Variants in LDB2 observed in about 807,000 individuals in gnomAD.
The protein encoded by LDB2 is LIM domain binding 2.
Under a neutral mutation model 44.3 loss-of-function variants are expected in LDB2, and 12 were observed. That is an observed-to-expected ratio of 0.27 (90% CI 0.17 to 0.44). The LOEUF (loss-of-function observed/expected upper bound fraction) is 0.44, where lower values mean the gene tolerates loss of function less well. LDB2 is among the 20% of genes least tolerant of loss of function. The probability of loss-of-function intolerance (pLI) is 1.00; values close to 1 mark genes in which losing one functional copy is unlikely to be tolerated. For missense variants in LDB2, 344 were observed against 473.5 expected (o/e 0.73, Z 2.54); for synonymous variants, 164 against 174.8 (o/e 0.94, Z 0.49).
intron 1 of LDB2, among the ~76,000 whole-genome samples, chr4:16,890,379 C>T (rs183520017): frequency 3.7e-4 from 56 of 152,296 alleles, no homozygotes; most frequent in African/African-American, 1.2e-3. Flanking sequence ...TGTTAAGAGG[C>T]CGTCCTGATT....
At chr4:16,514,352 T>C (rs1307344504) in intron 5 of LDB2, among the ~76,000 whole-genome samples, 1 of 152,204 alleles carries the variant, frequency 6.6e-6, no homozygotes, top group Non-Finnish European at 1.5e-5. Flanking sequence ...CTCACATAAT[T>C]CTGACAAACA....
At chr4:16,892,093 A>G (rs1015112159) in intron 1 of LDB2, among the ~76,000 whole-genome samples, 10 of 152,190 alleles carry the variant, frequency 6.6e-5, no homozygotes, top group South Asian at 4.1e-4. Context: ...TGCCCAACAG[A>G]CACTGAAAAC....
intron 5 of LDB2, among the ~76,000 whole-genome samples, chr4:16,558,986 C>A (rs909747653): frequency 1.9e-4 from 29 of 151,940 alleles, no homozygotes; most frequent in Admixed American, 8.5e-4. Context: ...TGAAGGAGAA[C>A]TAAAATACTT....
chr4:16,808,042 AG>A (rs201366230), intron 1 of LDB2, among the ~76,000 whole-genome samples: 1 of 152,220 alleles, frequency 6.6e-6, no homozygotes, highest in African/African-American at 2.4e-5. Context: ...AGGAAAAAAA[AG>A]TATGAGAGAA....
intron 5 of LDB2, among the ~76,000 whole-genome samples, chr4:16,561,508 C>T (rs564163045): frequency 1.9e-4 from 29 of 152,290 alleles, no homozygotes; most frequent in South Asian, 1.9e-3. Context: ...ATCCAACTTA[C>T]AAGGGACGTG....
At chr4:16,834,599 C>T (rs62298182) in intron 1 of LDB2, among the ~76,000 whole-genome samples, 44,289 of 151,916 alleles carry the variant, frequency 0.29, 6,653 homozygotes, top group South Asian at 0.44. Context: ...GAGGTCGAGG[C>T]GGGCGGATCA....
intron 2 of LDB2, among the ~76,000 whole-genome samples, chr4:16,757,349 T>C (rs1401376705): frequency 6.6e-6 from 1 of 152,104 alleles, no homozygotes; most frequent in Admixed American, 6.6e-5. Context: ...TCGGGAAATA[T>C]TTTGGCTCGG....
chr4:16,587,969 G>T (rs1717596424), intron 4 of LDB2, among the ~76,000 whole-genome samples: 3 of 152,082 alleles, frequency 2.0e-5, no homozygotes, highest in African/African-American at 7.2e-5. Context: ...GATTGTTCAG[G>T]GTCTTTAAAA....
intron 1 of LDB2, among the ~76,000 whole-genome samples, chr4:16,865,838 C>T (rs1714532057): frequency 6.6e-6 from 1 of 152,178 alleles, no homozygotes; most frequent in South Asian, 2.1e-4. Flanking sequence ...GCCCCATGGA[C>T]ACTCCAAACA....
chr4:16,509,354 T>C (rs1158651876), intron 6 of LDB2, among the ~76,000 whole-genome samples: 3 of 152,178 alleles, frequency 2.0e-5, no homozygotes, highest in Non-Finnish European at 4.4e-5. Context: ...GAAAAAAATA[T>C]GTCTGAGTAC....
chr4:16,706,810 T>C (rs1010393081), intron 2 of LDB2, among the ~76,000 whole-genome samples: 2 of 151,970 alleles, frequency 1.3e-5, no homozygotes, highest in African/African-American at 2.4e-5. Flanking sequence ...TTCAGAAAAA[T>C]AAAATAGCAA....
intron 2 of LDB2, among the ~76,000 whole-genome samples, chr4:16,689,119 G>C (rs1159224497): frequency 6.6e-6 from 1 of 152,140 alleles, no homozygotes; most frequent in East Asian, 1.9e-4. Flanking sequence ...TAGACCCAAG[G>C]TCACTCAGTG....
intron 2 of LDB2, among the ~76,000 whole-genome samples, chr4:16,661,005 T>G (rs570632821): frequency 6.6e-6 from 1 of 152,208 alleles, no homozygotes; most frequent in African/African-American, 2.4e-5. Flanking sequence ...TTTAATTCCC[T>G]GAGGATTTGT....
At chr4:16,631,646 G>A (rs1221627477) in intron 2 of LDB2, among the ~76,000 whole-genome samples, 1 of 152,102 alleles carries the variant, frequency 6.6e-6, no homozygotes, top group Admixed American at 6.5e-5. Context: ...ATAAATCCAG[G>A]AGCCGGTTTT....
Position 16,748,776 on chromosome 4 carries a change from T to C in LDB2, c.235+10382A>G, listed in dbSNP as rs2109083240. Among the ~76,000 whole-genome samples, 2 of 152,296 alleles carry C rather than the reference T, an allele frequency of 1.3e-5. 1 individual carries two copies. Among genetic ancestry groups the C allele is most frequent in the Non-Finnish European group, 2.9e-5 (2 of 68,030 alleles). ...CACTGATTTTTCCAAATGCTTTACGTTTAAAAAATAGTAATAATGTAGTGT... is the reference window on the plus strand; with the variant it reads ...CACTGATTTTTCCAAATGCTTTACGCTTAAAAAATAGTAATAATGTAGTGT... On this transcript the variant is annotated intron_variant, in intron 2 of 7. Coordinates refer to ENST00000304523, the MANE Select transcript of LDB2 (RefSeq NM_001290.5).
At position 16,608,206 on chromosome 4, in the gene LDB2, CAAAAAAA is replaced by C. The variant is rs71649969; in HGVS notation, c.236-12338_236-12332del. 9.5e-4 allele frequency among the ~76,000 whole-genome samples: 65 copies of C among 68,502 alleles called. 1 individual carries two copies. The highest frequency in any genetic ancestry group is 2.6e-3 in the African/African-American group (51 of 19,758). 44.9% of individuals were successfully genotyped at this position (68,502 alleles called of 152,430 possible). Reference sequence around the variant, plus strand: ...CTCCATACAGAAAATCACACTTCTTCAAAAAAAAAAAAAAAAAAAAAAGACTATTTGC... The same window carrying C: ...CTCCATACAGAAAATCACACTTCTTCAAAAAAAAAAAAAAAGACTATTTGC... On this transcript the variant is annotated intron_variant, in intron 2 of 7. Transcript: ENST00000304523.
chr4:16,615,339 A>G (rs1726965445), intron 2 of LDB2, among the ~76,000 whole-genome samples: 1 of 152,222 alleles, frequency 6.6e-6, no homozygotes, highest in Admixed American at 6.5e-5. Flanking sequence ...ACAATGGCAA[A>G]GACATGGAAC....
chr4:16,858,858 C>G (rs1325892470), intron 1 of LDB2, among the ~76,000 whole-genome samples: 2 of 152,178 alleles, frequency 1.3e-5, no homozygotes, highest in African/African-American at 4.8e-5. Flanking sequence ...TGCCCAAGTT[C>G]TTTACGATAT....
chr4:16,530,399 C>T (rs1049395283), intron 5 of LDB2, among the ~76,000 whole-genome samples: 2 of 151,950 alleles, frequency 1.3e-5, no homozygotes, highest in African/African-American at 4.8e-5. Flanking sequence ...AAACCCATAA[C>T]TCTCCTATGA....
Sources: gnomAD v4.1 joint callset for allele counts (sites outside exome capture counted in the v4.1 genomes callset) on GRCh38, gnomAD v4.1.1 for gene constraint, MANE v1.5 for transcripts, NCBI Gene and HGNC (gene_info 2026-07-23, HGNC 2026-07-21) for gene names.